ACTA2: variants seen among roughly 807,000 people sequenced by gnomAD.
ACTA2 encodes actin, aortic smooth muscle.
A neutral mutation model predicts 39.5 loss-of-function variants in ACTA2; 12 were observed. The observed-to-expected ratio is 0.30, with a 90% CI of 0.19 to 0.49. The LOEUF is 0.49. Among genes scored for constraint, ACTA2 ranks in the 20% least tolerant of loss-of-function variants. The probability of loss-of-function intolerance (pLI) is 0.99; values close to 1 mark genes in which losing one functional copy is unlikely to be tolerated. For synonymous variants in ACTA2, 158 were observed against 180.6 expected, an observed-to-expected ratio of 0.88 and a Z score of 1.00; for missense variants, 236 against 498.8, an observed-to-expected ratio of 0.47 and a Z score of 5.02.
intron 6 of ACTA2, 60 bp from the exon 7 acceptor site, chr10:88,939,758 C>T: frequency 6.4e-7 from 1 of 1,563,286 alleles, no homozygotes; most frequent in South Asian, 1.1e-5. Context: ...GGCAAAGATT[C>T]ACCTGCCCTA....
chr10:88,970,650 A>G (rs1292461858), intron 1 of ACTA2, among the ~76,000 whole-genome samples: 1 of 152,132 alleles, frequency 6.6e-6, no homozygotes, highest in Non-Finnish European at 1.5e-5. Flanking sequence ...GCTGAGAATG[A>G]TGGTTGGGAA....
At chr10:88,949,534 G>T (rs972963787) in intron 1 of ACTA2, among the ~76,000 whole-genome samples, 9 of 152,132 alleles carry the variant, frequency 5.9e-5, no homozygotes, top group Admixed American at 2.0e-4. Context: ...CCTCAGAGAA[G>T]CTTTGAAATA....
intron 6 of ACTA2, chr10:88,940,946 ATCT>A (rs930226753): frequency 7.6e-6 from 3 of 394,318 alleles, no homozygotes; most frequent in African/African-American, 4.1e-5. Context: ...TCTCTGCACA[ATCT>A]TCTTCTATTT....
intron 1 of ACTA2, among the ~76,000 whole-genome samples, chr10:88,986,746 G>A (rs1304682990): frequency 6.6e-6 from 1 of 151,740 alleles, no homozygotes; most frequent in Non-Finnish European, 1.5e-5. Context: ...AAGTAGTGCA[G>A]GAAGGAAGAA....
rs753226511 is a variant in ACTA2 at position 88,939,747 on chromosome 10, T to A, written c.617-49A>T. 4.4e-6 allele frequency: 7 copies of A among 1,600,624 alleles called. No homozygotes were observed. The African/African-American group carries it at 9.4e-5, about 21-fold the overall frequency. ...TGGCAAACATTAGGGTCTGCACAGG[T>A]GGCAAAGATTCACCTGCCCTACTGC... is the stretch of plus-strand genomic sequence containing the variant. On this transcript the variant is annotated intron_variant, in intron 6 of 8. Transcript: ENST00000224784.
At chr10:88,966,154 A>C (rs541134274) in intron 1 of ACTA2, among the ~76,000 whole-genome samples, 1 of 152,342 alleles carries the variant, frequency 6.6e-6, no homozygotes, top group South Asian at 2.1e-4. Flanking sequence ...CAAGAGCCAC[A>C]CAGAAGCACT....
At chr10:88,938,399 T>C in intron 7 of ACTA2, 157 bp from the exon 8 acceptor site, 2 of 794,784 alleles carry the variant, frequency 2.5e-6, no homozygotes, top group South Asian at 3.1e-5. Context: ...AAAAGGGTCT[T>C]GTTATGCTCT....
chr10:88,942,927 A>G (rs1473243870), intron 4 of ACTA2, among the ~76,000 whole-genome samples: 1 of 152,218 alleles, frequency 6.6e-6, no homozygotes, highest in African/African-American at 2.4e-5. Context: ...TACATTTATG[A>G]TTCTTCAATG....
At chr10:88,960,495 T>A (rs891959545) in intron 1 of ACTA2, among the ~76,000 whole-genome samples, 4 of 152,112 alleles carry the variant, frequency 2.6e-5, no homozygotes, top group Non-Finnish European at 5.9e-5. Context: ...GAATCCAGCA[T>A]ATTGGAGGAG....
chr10:88,978,674 C>T (rs923986080), intron 1 of ACTA2, among the ~76,000 whole-genome samples: 10 of 152,254 alleles, frequency 6.6e-5, no homozygotes, highest in East Asian at 3.9e-4. Flanking sequence ...ATTTGCACCA[C>T]GGCTCCAGCT....
At chr10:88,946,372 C>G (rs533698218) in intron 3 of ACTA2, among the ~76,000 whole-genome samples, 4 of 145,016 alleles carry the variant, frequency 2.8e-5, no homozygotes, top group South Asian at 2.3e-4. Context: ...GCTGAGATTA[C>G]AGGTGTGAGT....
intron 1 of ACTA2, among the ~76,000 whole-genome samples, chr10:88,968,183 A>G (rs1335248771): frequency 6.6e-6 from 1 of 152,206 alleles, no homozygotes; most frequent in African/African-American, 2.4e-5. Context: ...ATCGCTAAAA[A>G]CTGGTAACTC....
chr10:88,978,802 T>C (rs1018372580), intron 1 of ACTA2, among the ~76,000 whole-genome samples: 3 of 152,178 alleles, frequency 2.0e-5, no homozygotes, highest in Admixed American at 6.5e-5. Flanking sequence ...CGTCTAATGG[T>C]AATTTCTCCA....
chr10:88,989,146 T>C (rs1719213952), intron 1 of ACTA2, among the ~76,000 whole-genome samples: 1 of 152,212 alleles, frequency 6.6e-6, no homozygotes, highest in Non-Finnish European at 1.5e-5. Context: ...TAATAATCAC[T>C]CATCTCACTG....
intron 1 of ACTA2, among the ~76,000 whole-genome samples, chr10:88,980,059 C>T (rs549765544): frequency 6.6e-6 from 1 of 152,356 alleles, no homozygotes; most frequent in South Asian, 2.1e-4. Context: ...AAGTGGACTT[C>T]TTTCCACTTG....
upstream of ACTA2, among the ~76,000 whole-genome samples, chr10:88,955,031 AAAG>A (rs1215209958): frequency 1.5e-4 from 22 of 151,450 alleles, no homozygotes; most frequent in African/African-American, 4.1e-4. Context: ...AAAAAAAAAA[AAAG>A]AAGAAGAAGG....
intron 6 of ACTA2, chr10:88,940,996 A>G (rs1845836788): frequency 3.8e-6 from 2 of 526,800 alleles, no homozygotes; most frequent in East Asian, 7.6e-5. Context: ...CAATTATACA[A>G]CACTGACTAA....
chr10:88,944,451 A>AT (rs1845910594), intron 3 of ACTA2, among the ~76,000 whole-genome samples: 2 of 152,230 alleles, frequency 1.3e-5, no homozygotes, highest in Non-Finnish European at 2.9e-5. Flanking sequence ...AAATGATTTA[A>AT]TTTTGTAAAT....
At chr10:88,956,648 G>T (rs1166150960), upstream of ACTA2, among the ~76,000 whole-genome samples, 1 of 152,164 alleles carries the variant, frequency 6.6e-6, no homozygotes, top group Non-Finnish European at 1.5e-5. Flanking sequence ...ACCACCCAAT[G>T]TGTTTGCCAT....
Sources: allele counts gnomAD v4.1 joint callset (sites outside exome capture counted in the v4.1 genomes callset), GRCh38; gene constraint gnomAD v4.1.1; transcripts MANE v1.5; gene names NCBI Gene and HGNC (gene_info 2026-07-23, HGNC 2026-07-21).